DPH3: variants seen among roughly 807,000 people sequenced by gnomAD.
DPH3 encodes the protein diphthamide biosynthesis 3.
A neutral mutation model predicts 10.2 loss-of-function variants in DPH3; 8 were observed. That is an observed-to-expected ratio of 0.79 (90% CI 0.46 to 1.42). The LOEUF is 1.42. DPH3 is among the 40% of genes most tolerant of loss of function. The pLI, the probability that DPH3 is intolerant of heterozygous loss-of-function variation, is 0.00. For missense variants in DPH3, 96 were observed against 98.9 expected (o/e 0.97, Z 0.12); for synonymous variants, 35 against 35.6 (o/e 0.98, Z 0.06).
chr3:16,264,307 G>T, intron 1 of DPH3, 78 bp from the exon 2 acceptor site: 3 of 1,181,576 alleles, frequency 2.5e-6, no homozygotes, highest in Non-Finnish European at 3.6e-6. Flanking sequence ...CCCACCCCTA[G>T]ATGCAAGTCT....
chr3:16,264,651 C>T, intron 1 of DPH3, 118 bp downstream of exon 1: 2 of 993,272 alleles, frequency 2.0e-6, no homozygotes, highest in Non-Finnish European at 3.0e-6. Context: ...GAAGATTCAG[C>T]AACGGGAAAG....
At position 16,263,793 on chromosome 3, in the gene DPH3, T is replaced by C. The variant is rs1559707198; in HGVS notation, c.183+362A>G. ...GTGTATAAGCCAGCACGAAATACCA[T>C]ACAATTGTTCCCTTCAAAGTAAGTC... On this transcript the variant is annotated intron_variant, in intron 2 of 2. Coordinates refer to ENST00000488423, the MANE Select transcript of DPH3 (RefSeq NM_206831.3). This position sits in a 1 kb window ranked among gnomAD's most constrained non-coding sequence, Gnocchi z 4.0. 6.6e-6 allele frequency among the ~76,000 whole-genome samples: 1 copy of C among 152,174 alleles called. No individual in the cohort carries two copies. Among genetic ancestry groups the C allele is most frequent in the Admixed American group, 6.5e-5 (1 of 15,276 alleles).
chr3:16,257,093 A>T lies in DPH3; in HGVS notation c.*3671T>A, dbSNP rs1369402135. 2.0e-5 allele frequency among the ~76,000 whole-genome samples: 3 copies of T among 152,236 alleles called. No homozygotes were observed. The highest frequency in any genetic ancestry group is 4.8e-5 in the African/African-American group (2 of 41,466). On this transcript the variant is annotated 3_prime_UTR_variant, in exon 3 of 3. Coordinates refer to ENST00000488423, the MANE Select transcript of DPH3 (RefSeq NM_206831.3). ...CCAAATTAACCTTTATTCTTGATAA[A>T]TTATCCAGTCTCAGGTATTGTTACA...
intron 1 of DPH3, chr3:16,264,460 G>A (rs913107993): frequency 7.2e-6 from 4 of 553,314 alleles, no homozygotes; most frequent in African/African-American, 5.7e-5. Flanking sequence ...CAAAAGCCCT[G>A]GGAAACAAAA....
rs1352942160 is a variant in DPH3 at position 16,258,816 on chromosome 3, T to G, written c.*1948A>C. On this transcript the variant is annotated 3_prime_UTR_variant, in exon 3 of 3. Coordinates refer to ENST00000488423, the MANE Select transcript of DPH3 (RefSeq NM_206831.3). ...ATGTGTTCTCCTACAGTTCACAAAC[T>G]TAGTGACTCAATTGCTTTAGAAACA... 6.6e-6 allele frequency: 1 copy of G among 152,214 alleles called. No individual in the cohort carries two copies. Among genetic ancestry groups the G allele is most frequent in the Non-Finnish European group, 1.5e-5 (1 of 68,028 alleles). The allele number at this position is 152,214 out of a possible 1,614,324, so 9.4% of individuals were successfully genotyped here.
rs1274282359 is a variant in DPH3, at chr3:16,259,872, A to G, written c.*892T>C. 1 of 152,236 alleles carries G rather than the reference A, an allele frequency of 6.6e-6. No homozygotes were observed. Among genetic ancestry groups the G allele is most frequent in the Non-Finnish European group, 1.5e-5 (1 of 68,030 alleles). 9.4% of individuals were successfully genotyped at this position (152,236 alleles called of 1,614,324 possible). ...AATTTGACGTTAACCCCTACCTGGAATGCAATTTCATTAGCCTTATCAAAA... is the reference window on the plus strand; with the variant it reads ...AATTTGACGTTAACCCCTACCTGGAGTGCAATTTCATTAGCCTTATCAAAA... On this transcript the variant is annotated 3_prime_UTR_variant, in exon 3 of 3. Transcript: ENST00000488423.
In DPH3 at chr3:16,259,594, T is replaced by C. The variant is rs1224279681; in HGVS notation, c.*1170A>G. The C allele has an allele frequency of 6.6e-6, 1 of 152,256 alleles. No homozygotes were observed. The highest frequency in any genetic ancestry group is 1.5e-5 in the Non-Finnish European group (1 of 68,042). 9.4% of individuals were successfully genotyped at this position (152,256 alleles called of 1,614,324 possible). ...TGTAAATGATTCTAATTTCTTGCTA[T>C]GCTTAGTACTGCAGCAAAAGAAGGG... On this transcript the variant is annotated 3_prime_UTR_variant, in exon 3 of 3. Transcript: ENST00000488423.
chr3:16,262,727 T>C lies in DPH3; in HGVS notation c.183+1428A>G, dbSNP rs1467889859. 1.3e-5 allele frequency among the ~76,000 whole-genome samples: 2 copies of C among 152,212 alleles called. No homozygotes were observed. The highest frequency in any genetic ancestry group is 2.9e-5 in the Non-Finnish European group (2 of 68,038). ...TGCCTTCTCAACAGCTCAACTTGGA[T>C]GACAGACCTCTCACTTAGTATGTAC... On this transcript the variant is annotated intron_variant, in intron 2 of 2. Coordinates refer to ENST00000488423, the MANE Select transcript of DPH3 (RefSeq NM_206831.3). This position sits in a 1 kb window ranked among gnomAD's most constrained non-coding sequence, Gnocchi z 4.7.
rs1429610636 is a variant in DPH3, at chr3:16,263,281, T to C, written c.183+874A>G. On this transcript the variant is annotated intron_variant, in intron 2 of 2. Transcript: ENST00000488423. This position sits in a 1 kb window ranked among gnomAD's most constrained non-coding sequence, Gnocchi z 4.0. ...TGAACGATCCTTTGCTCGACTCTCTTACCTCATACCCTCATATGTACATGG... is the reference window on the plus strand; with the variant it reads ...TGAACGATCCTTTGCTCGACTCTCTCACCTCATACCCTCATATGTACATGG... Among the ~76,000 whole-genome samples, 1 of 152,122 alleles carries C rather than the reference T, an allele frequency of 6.6e-6. No homozygotes were observed. Among genetic ancestry groups the C allele is most frequent in the African/African-American group, 2.4e-5 (1 of 41,416 alleles).
In DPH3 at chr3:16,257,869, A is replaced by G. The variant is rs2064263282; in HGVS notation, c.*2895T>C. ...TTTAAAAACTACTGTCCATAACAAAAAGTCTATTAACAATACCCCAAAGCA... is the reference window on the plus strand; with the variant it reads ...TTTAAAAACTACTGTCCATAACAAAGAGTCTATTAACAATACCCCAAAGCA... On this transcript the variant is annotated 3_prime_UTR_variant, in exon 3 of 3. Transcript: ENST00000488423. 4 of 152,226 alleles carry G rather than the reference A, an allele frequency of 2.6e-5. No individual in the cohort carries two copies. The allele number at this position is 152,226 out of a possible 1,614,324, so 9.4% of individuals were successfully genotyped here.
chr3:16,264,909 C>A lies in DPH3; in HGVS notation c.-33G>T. On this transcript the variant is annotated 5_prime_UTR_variant, in exon 1 of 3. Coordinates refer to ENST00000488423, the MANE Select transcript of DPH3 (RefSeq NM_206831.3). ...GGGGGTGGCCGAAGGGGTAACGCCC[C>A]AGCAGTCCGAGGCCAGCTCCGAGGG... 1.2e-6 allele frequency: 2 copies of A among 1,611,388 alleles called. No individual in the cohort carries two copies. Among genetic ancestry groups the A allele is most frequent in the Non-Finnish European group, 1.7e-6 (2 of 1,177,880 alleles).
In DPH3 at chr3:16,261,217, T is replaced by C. The variant is rs868507094; in HGVS notation, c.184-388A>G. Among the ~76,000 whole-genome samples the C allele has an allele frequency of 2.0e-5, 3 of 152,266 alleles. No homozygotes were observed. The highest frequency in any genetic ancestry group is 4.4e-5 in the Non-Finnish European group (3 of 68,044). ...ACCAGTCCTCTTCAAAGTAATTACT[T>C]CTTCTAACTAAAAGGGACAGGTCTT... is the stretch of plus-strand genomic sequence containing the variant. On this transcript the variant is annotated intron_variant, in intron 2 of 2. Coordinates refer to ENST00000488423, the MANE Select transcript of DPH3 (RefSeq NM_206831.3). This position sits in a 1 kb window ranked among gnomAD's most constrained non-coding sequence, Gnocchi z 7.1.
At position 16,258,633 on chromosome 3, in the gene DPH3, T is replaced by G. The variant is rs1294050758; in HGVS notation, c.*2131A>C. On this transcript the variant is annotated 3_prime_UTR_variant, in exon 3 of 3. Coordinates refer to ENST00000488423, the MANE Select transcript of DPH3 (RefSeq NM_206831.3). ...CACCTTGCTAATTAAAAGAAGATTTTTTAGAGACAGGGTCTTTCTATGTTG... is the reference window on the plus strand; with the variant it reads ...CACCTTGCTAATTAAAAGAAGATTTGTTAGAGACAGGGTCTTTCTATGTTG... The G allele has an allele frequency of 6.6e-6, 1 of 152,210 alleles. No individual in the cohort carries two copies. The highest frequency in any genetic ancestry group is 1.5e-5 in the Non-Finnish European group (1 of 68,048). The allele number at this position is 152,210 out of a possible 1,614,324, so 9.4% of individuals were successfully genotyped here. A position where few individuals can be genotyped will look rare whatever the true frequency, so the allele number is the denominator to read the frequency against.
chr3:16,257,336 T>A lies in DPH3; in HGVS notation c.*3428A>T, dbSNP rs2064256878. ...CCCTTAAAAAGTCACCTGACCCAGT[T>A]ACTCTCTCCCACATCACCTGGTTTG... is the stretch of plus-strand genomic sequence containing the variant. On this transcript the variant is annotated 3_prime_UTR_variant, in exon 3 of 3. Coordinates refer to ENST00000488423, the MANE Select transcript of DPH3 (RefSeq NM_206831.3). 6.6e-6 allele frequency among the ~76,000 whole-genome samples: 1 copy of A among 152,226 alleles called. No individual in the cohort carries two copies. Among genetic ancestry groups the A allele is most frequent in the South Asian group, 2.1e-4 (1 of 4,838 alleles).
chr3:16,262,102 C>A lies in DPH3; in HGVS notation c.184-1273G>T, dbSNP rs2064295956. On this transcript the variant is annotated intron_variant, in intron 2 of 2. Transcript: ENST00000488423. The surrounding 1 kb of genome is among the most constrained non-coding windows in gnomAD (Gnocchi z 4.7). ...CCTGGTTAAATCTAACTTTCCATGT[C>A]TATATTCACTAATGAAGGCTGAATT... is the stretch of plus-strand genomic sequence containing the variant. Among the ~76,000 whole-genome samples the A allele has an allele frequency of 6.6e-6, 1 of 152,188 alleles. No homozygotes were observed.
Position 16,260,685 on chromosome 3 carries a change from T to G in DPH3, c.*79A>C, listed in dbSNP as rs1290702637. 7.8e-6 allele frequency: 10 copies of G among 1,288,038 alleles called. No homozygotes were observed. The highest frequency in any genetic ancestry group is 1.9e-5 in the Admixed American group (1 of 52,232). The allele number at this position is 1,288,038 out of a possible 1,614,324, so 79.8% of individuals were successfully genotyped here. On this transcript the variant is annotated 3_prime_UTR_variant, in exon 3 of 3. Transcript: ENST00000488423. ...AGCAAATCATAAATGGTTGTCTCTGTGAAGCCAGTAGCTTTGCATTCGATA... is the reference window on the plus strand; with the variant it reads ...AGCAAATCATAAATGGTTGTCTCTGGGAAGCCAGTAGCTTTGCATTCGATA...
chr3:16,264,700 G>A (rs2064369319), intron 1 of DPH3, 69 bp downstream of exon 1: 5 of 1,471,760 alleles, frequency 3.4e-6, no homozygotes, highest in Non-Finnish European at 4.7e-6. Context: ...GCTACCCAAT[G>A]ATGGAAGGAA....
Position 16,260,671 on chromosome 3 carries a change from A to G in DPH3, c.*93T>C, listed in dbSNP as rs1181139376. On this transcript the variant is annotated 3_prime_UTR_variant, in exon 3 of 3. Transcript: ENST00000488423. ...CACTCTTACAGAACAGCAAATCATA[A>G]ATGGTTGTCTCTGTGAAGCCAGTAG... The G allele has an allele frequency of 3.6e-6, 4 of 1,116,838 alleles. No homozygotes were observed. Among genetic ancestry groups the G allele is most frequent in the Non-Finnish European group, 5.3e-6 (4 of 757,968 alleles). The allele number at this position is 1,116,838 out of a possible 1,614,324, so 69.2% of individuals were successfully genotyped here. A position where few individuals can be genotyped will look rare whatever the true frequency, so the allele number is the denominator to read the frequency against.
rs968756397 is a variant in DPH3, at chr3:16,258,282, A to T, written c.*2482T>A. On this transcript the variant is annotated 3_prime_UTR_variant, in exon 3 of 3. Coordinates refer to ENST00000488423, the MANE Select transcript of DPH3 (RefSeq NM_206831.3). ...CCAAGCCTGAAATTAGAGAACTGAC[A>T]GCTGAGAAAGGCAATCACCTGATCG... 2 of 152,262 alleles carry T rather than the reference A, an allele frequency of 1.3e-5. No individual in the cohort carries two copies. The highest frequency in any genetic ancestry group is 6.5e-5 in the Admixed American group (1 of 15,288). The allele number at this position is 152,262 out of a possible 1,614,324, so 9.4% of individuals were successfully genotyped here.
Sources: gnomAD v4.1 joint callset for allele counts (sites outside exome capture counted in the v4.1 genomes callset) on GRCh38, gnomAD v4.1.1 for gene constraint, Gnocchi (gnomAD v3.1) non-coding constraint, MANE v1.5 for transcripts, NCBI Gene and HGNC (gene_info 2026-07-23, HGNC 2026-07-21) for gene names.